Variants in PCDH15 observed in about 807,000 individuals in gnomAD.
The protein encoded by PCDH15 is protocadherin related 15.
Under a neutral mutation model 178.5 loss-of-function variants are expected in PCDH15, and 129 were observed. That is an observed-to-expected ratio of 0.72 (90% confidence interval 0.63 to 0.84). The LOEUF is 0.84. Ranked by LOEUF, PCDH15 falls within the 40% of genes least tolerant of loss-of-function variation. The pLI, the probability that PCDH15 is intolerant of heterozygous loss-of-function variation, is 0.00. For missense variants in PCDH15, 2,230 were observed against 2,099.9 expected (o/e 1.06, Z -1.21); for synonymous variants, 800 against 732.0 (o/e 1.09, Z -1.50).
At chr10:54,500,180 C>T (rs2080530131) in intron 3 of PCDH15, among the ~76,000 whole-genome samples, 1 of 152,042 alleles carries the variant, frequency 6.6e-6, no homozygotes, top group East Asian at 1.9e-4. Context: ...TTATATTAAG[C>T]AAATAACCAC....
intron 2 of PCDH15, among the ~76,000 whole-genome samples, chr10:55,443,948 G>A (rs949241410): frequency 5.3e-5 from 8 of 152,108 alleles, no homozygotes; most frequent in African/African-American, 1.7e-4. Flanking sequence ...GGAATACTAT[G>A]CAGCCATAAA....
chr10:54,297,030 GGT>G (rs925295820), intron 8 of PCDH15, among the ~76,000 whole-genome samples: 29 of 152,082 alleles, frequency 1.9e-4, no homozygotes, highest in African/African-American at 6.3e-4. Flanking sequence ...CTGCTGTGTT[GGT>G]GAGCGCAACT....
At chr10:54,719,994 A>G (rs1223509491) in intron 1 of PCDH15, among the ~76,000 whole-genome samples, 1 of 152,000 alleles carries the variant, frequency 6.6e-6, no homozygotes, top group East Asian at 1.9e-4. Flanking sequence ...CCACAATGAG[A>G]TACCATCTCA....
At chr10:53,843,318 T>A (rs969299765) in intron 28 of PCDH15, among the ~76,000 whole-genome samples, 1 of 152,070 alleles carries the variant, frequency 6.6e-6, no homozygotes, top group Non-Finnish European at 1.5e-5. Context: ...TAAAAATCTA[T>A]CTTTTCATTT....
intron 2 of PCDH15, among the ~76,000 whole-genome samples, chr10:54,532,709 C>T (rs939164663): frequency 6.6e-6 from 1 of 151,904 alleles, no homozygotes; most frequent in African/African-American, 2.4e-5. Context: ...AGTGCAAGTA[C>T]AGCAGGTCCT....
chr10:55,103,024 A>T (rs559301873), intron 2 of PCDH15, among the ~76,000 whole-genome samples: 1 of 151,678 alleles, frequency 6.6e-6, no homozygotes, highest in East Asian at 1.9e-4. Flanking sequence ...GAGGCAGAAG[A>T]GGTGGAGGAT....
intron 2 of PCDH15, among the ~76,000 whole-genome samples, chr10:55,006,812 G>A (rs955790548): frequency 6.6e-6 from 1 of 152,142 alleles, no homozygotes; most frequent in Admixed American, 6.6e-5. Flanking sequence ...TCAAATTTCC[G>A]TAAGGCCTGT....
At chr10:55,256,138 G>A (rs1225401040) in intron 1 of PCDH15, among the ~76,000 whole-genome samples, 1 of 152,140 alleles carries the variant, frequency 6.6e-6, no homozygotes, top group Non-Finnish European at 1.5e-5. Context: ...AAGGTGTAAG[G>A]AAGAGATCCA....
chr10:54,527,705 T>C, intron 3 of PCDH15, 107 bp downstream of exon 3: 5 of 789,088 alleles, frequency 6.3e-6, no homozygotes, highest in Non-Finnish European at 9.8e-6. Context: ...TCCATGGATT[T>C]GGGTTGAAAC....
intron 3 of PCDH15, among the ~76,000 whole-genome samples, chr10:54,425,011 A>T (rs1049990081): frequency 2.0e-4 from 30 of 147,130 alleles, no homozygotes; most frequent in African/African-American, 8.0e-4. Flanking sequence ...AGTATAATAA[A>T]AAAAAAAAAA....
intron 2 of PCDH15, among the ~76,000 whole-genome samples, chr10:54,532,537 G>A (rs1043430910): frequency 2.0e-5 from 3 of 152,208 alleles, no homozygotes; most frequent in Admixed American, 2.0e-4. Context: ...CCTCACGGTT[G>A]TGTCCACAGG....
intron 3 of PCDH15, among the ~76,000 whole-genome samples, chr10:54,403,203 TA>T (rs1349158997): frequency 6.6e-6 from 1 of 151,964 alleles, no homozygotes; most frequent in Non-Finnish European, 1.5e-5. Flanking sequence ...AGCAAGGACC[TA>T]GCTCTCTACA....
At chr10:55,443,603 A>G (rs765816601) in intron 2 of PCDH15, among the ~76,000 whole-genome samples, 1 of 152,192 alleles carries the variant, frequency 6.6e-6, no homozygotes, top group Non-Finnish European at 1.5e-5. Context: ...TGCTCCATTT[A>G]GAATGGTGAT....
At chr10:53,905,989 CATTT>C (rs1314863348) in intron 25 of PCDH15, among the ~76,000 whole-genome samples, 4 of 151,972 alleles carry the variant, frequency 2.6e-5, no homozygotes, top group East Asian at 1.9e-4. Context: ...AGAACTTATA[CATTT>C]ATTTATTTTA....
chr10:54,313,006 G>A (rs1408783779), intron 8 of PCDH15, among the ~76,000 whole-genome samples: 2 of 151,942 alleles, frequency 1.3e-5, no homozygotes, highest in Admixed American at 1.3e-4. Context: ...AGTATGTTAA[G>A]GAATGGCTCA....
intron 26 of PCDH15, among the ~76,000 whole-genome samples, chr10:53,891,054 G>A (rs2081522146): frequency 6.7e-6 from 1 of 150,250 alleles, no homozygotes; most frequent in African/African-American, 2.4e-5. Flanking sequence ...ATTTATAGAA[G>A]TATGAATAAA....
chr10:55,284,950 A>G (rs1842829945), intron 1 of PCDH15, among the ~76,000 whole-genome samples: 2 of 151,820 alleles, frequency 1.3e-5, no homozygotes, highest in Non-Finnish European at 2.9e-5. Flanking sequence ...AGACGGTATA[A>G]ACAACAAAGG....
rs1210999048 is a variant in PCDH15 at position 55,029,115 on chromosome 10, C to A, written c.-79-131615G>T. ...GCCCTGTACGTTTGAAAATTGAGGG[C>A]TGTAATTAAGAATAAATGTTTCTGT... On this transcript the variant is annotated intron_variant, in intron 2 of 5. Coordinates refer to the PCDH15 transcript ENST00000458638. 7.2e-5 allele frequency among the ~76,000 whole-genome samples: 11 copies of A among 151,952 alleles called. No homozygotes were observed. The East Asian group carries it at 2.1e-3, about 29-fold the overall frequency.
At chr10:55,341,807 T>TATATA (rs1844603122) in intron 2 of PCDH15, among the ~76,000 whole-genome samples, 2 of 14,002 alleles carry the variant, frequency 1.4e-4, no homozygotes, top group Non-Finnish European at 2.7e-4. Flanking sequence ...ATATATATAT[T>TATATA]TTTTTTTTTT....
Sources: gnomAD v4.1 joint callset for allele counts (sites outside exome capture counted in the v4.1 genomes callset) on GRCh38, gnomAD v4.1.1 for gene constraint, MANE v1.5 for transcripts, NCBI Gene and HGNC (gene_info 2026-07-23, HGNC 2026-07-21) for gene names.